Variants in AP2A1 observed in about 807,000 individuals in gnomAD.
The protein encoded by AP2A1 is adaptor related protein complex 2 subunit alpha 1, also known as AP-2 complex subunit alpha-1.
In AP2A1, 21 loss-of-function variants were observed where a neutral mutation model predicts 107.3. The ratio of observed to expected loss-of-function variants is 0.20; its 90% CI spans 0.14 to 0.28. AP2A1 has a LOEUF of 0.28. Ranked by LOEUF, AP2A1 falls within the 10% of genes least tolerant of loss-of-function variation. AP2A1 has a pLI of 1.00. For synonymous variants in AP2A1, 602 were observed against 564.8 expected (o/e 1.07, Z -0.93); for missense variants, 873 against 1,307.7 (o/e 0.67, Z 5.13).
Position 49,805,645 on chromosome 19 carries a change from C to A in AP2A1, c.2469-16C>A, listed in dbSNP as rs1305158437. ...GAGGGGCGGGGCCTAATGGAGCCTC[C>A]CTTTCACCTCATCAGGTACGGTGGC... On this transcript the variant is annotated splice_polypyrimidine_tract_variant and intron_variant, in intron 19 of 22. Coordinates refer to ENST00000354293, the MANE Select transcript of AP2A1 (RefSeq NM_130787.3). 2.4e-5 allele frequency: 38 copies of A among 1,556,700 alleles called. No individual in the cohort carries two copies. The highest frequency in any genetic ancestry group is 3.1e-5 in the Non-Finnish European group (36 of 1,150,740).
At chr19:49,797,109 G>C (rs1337398193) in intron 7 of AP2A1, 1 of 152,174 alleles carries the variant, frequency 6.6e-6, no homozygotes, top group Non-Finnish European at 1.5e-5. Context: ...TGGTAATTCT[G>C]GGGTACACCC....
rs1456964169 is a variant in AP2A1 at position 49,807,056 on chromosome 19, C to G, written c.*298C>G. The G allele has an allele frequency of 1.1e-5, 15 of 1,382,544 alleles. No individual in the cohort carries two copies. Among genetic ancestry groups the G allele is most frequent in the Non-Finnish European group, 1.4e-5 (15 of 1,036,884 alleles). 85.6% of individuals were successfully genotyped at this position (1,382,544 alleles called of 1,614,324 possible). On this transcript the variant is annotated 3_prime_UTR_variant, in exon 23 of 23. Coordinates refer to ENST00000354293, the MANE Select transcript of AP2A1 (RefSeq NM_130787.3). ...CCCACCCTGTTGTAGCCCCTCCTACCCCCTCCCCATCCAGGGGCTGTGTAT... is the reference window on the plus strand; with the variant it reads ...CCCACCCTGTTGTAGCCCCTCCTACGCCCTCCCCATCCAGGGGCTGTGTAT...
chr19:49,798,859 C>T lies in AP2A1; in HGVS notation c.872C>T (p.Ala291Val). The T allele has an allele frequency of 6.3e-7, 1 of 1,597,456 alleles. No individual in the cohort carries two copies. Among genetic ancestry groups the T allele is most frequent in the South Asian group, 1.1e-5 (1 of 88,118 alleles). ...TGTCTGGAGACTGTGCTCAACAAGG[C>T]CCAGGAGCCCCCCAAATCCAAGAAG... ...VECLETVLNK[A>V]QEPPKSKKVQ... The change falls in exon 8 of 23, where the codon GCC becomes GTC. Residue 291 changes from alanine (A) to valine (V), a missense_variant. By Grantham distance (64) the Ala-to-Val change is moderately conservative (BLOSUM62 0). Transcript: ENST00000354293.
intron 12 of AP2A1, 79 bp downstream of exon 12, chr19:49,801,137 AG>A: frequency 7.4e-7 from 1 of 1,345,554 alleles, no homozygotes; most frequent in Non-Finnish European, 1.0e-6. Flanking sequence ...CAGGGGTCTC[AG>A]GGCAGGCAGT....
Position 49,767,196 on chromosome 19 carries a change from G to A in AP2A1, c.63G>A (p.Arg21=), listed in dbSNP as rs1285665975. Residue 21 remains arginine, a synonymous_variant, in exon 1 of 23, where the codon CGG becomes CGA. Transcript: ENST00000354293. ...RGLAVFISDI[R]NCKSKEAEIK... is the part of the protein sequence containing the mutation. ...TCGCGGTGTTCATCTCCGACATCCGGAACTGTGAGCGCGCGGCCGGGGGAC... is the reference window on the plus strand; with the variant it reads ...TCGCGGTGTTCATCTCCGACATCCGAAACTGTGAGCGCGCGGCCGGGGGAC... The A allele has an allele frequency of 1.2e-6, 2 of 1,611,766 alleles. No individual in the cohort carries two copies. The highest frequency in any genetic ancestry group is 1.3e-5 in the African/African-American group (1 of 74,904).
chr19:49,788,488 CGGG>C lies in AP2A1; in HGVS notation c.474-3446_474-3444del, dbSNP rs1328738380. On this transcript the variant is annotated intron_variant, in intron 4 of 22. Coordinates refer to ENST00000354293, the MANE Select transcript of AP2A1 (RefSeq NM_130787.3). This position sits in a 1 kb window ranked among gnomAD's most constrained non-coding sequence, Gnocchi z 4.5. Reference sequence around the variant, plus strand: ...CAGAGTTTGGCCCAGAGTCAGGACTCGGGAGATGCGCTGTGGCTCAGGAGATGT... The same window carrying C: ...CAGAGTTTGGCCCAGAGTCAGGACTCAGATGCGCTGTGGCTCAGGAGATGT... 6.6e-5 allele frequency among the ~76,000 whole-genome samples: 10 copies of C among 151,896 alleles called. No individual in the cohort carries two copies. The highest frequency in any genetic ancestry group is 2.4e-4 in the African/African-American group (10 of 41,398).
At position 49,795,678 on chromosome 19, in the gene AP2A1, G is replaced by T; in HGVS notation, c.754G>T (p.Val252Phe). The change falls in exon 7 of 23, where the codon GTC becomes TTC. Residue 252 changes from valine to phenylalanine, a missense_variant. Coordinates refer to ENST00000354293, the MANE Select transcript of AP2A1 (RefSeq NM_130787.3). Reference protein sequence around the residue: ...TDLQDYTYYFVPAPWLSVKLL... With the variant: ...TDLQDYTYYFFPAPWLSVKLL... ...CCTCCAGGACTACACCTACTACTTC[G>T]TCCCAGCACCCTGGCTCTCGGTGAA... 1 of 1,567,922 alleles carries T rather than the reference G, an allele frequency of 6.4e-7. No individual in the cohort carries two copies.
chr19:49,787,640 C>T (rs532691173), intron 4 of AP2A1, among the ~76,000 whole-genome samples: 4 of 151,924 alleles, frequency 2.6e-5, no homozygotes, highest in Admixed American at 6.6e-5. Flanking sequence ...TGAGCCTCTG[C>T]GCCCGGTCAT....
At position 49,807,037 on chromosome 19, in the gene AP2A1, C is replaced by CCCGT; in HGVS notation, c.*279_*280insCCGT. On this transcript the variant is annotated 3_prime_UTR_variant, in exon 23 of 23. Coordinates refer to ENST00000354293, the MANE Select transcript of AP2A1 (RefSeq NM_130787.3). ...ATGTCTCCTCCCCTCCCACCCCACC[C>CCCGT]TGTTGTAGCCCCTCCTACCCCCTCC... is the stretch of plus-strand genomic sequence containing the variant. 4 of 1,529,506 alleles carry CCCGT rather than the reference C, an allele frequency of 2.6e-6. No individual in the cohort carries two copies. Among genetic ancestry groups the CCCGT allele is most frequent in the Non-Finnish European group, 3.5e-6 (4 of 1,140,426 alleles). 94.7% of individuals were successfully genotyped at this position (1,529,506 alleles called of 1,614,324 possible). A position where few individuals can be genotyped will look rare whatever the true frequency, so the allele number is the denominator to read the frequency against.
At chr19:49,799,263 C>G (rs1459753052) in intron 8 of AP2A1, 64 bp from the exon 9 acceptor site, 1 of 1,551,332 alleles carries the variant, frequency 6.4e-7, no homozygotes, top group Non-Finnish European at 8.7e-7. Flanking sequence ...AGCTGGGGCC[C>G]GAGTCCTCCA....
Position 49,799,520 on chromosome 19 carries a change from G to C in AP2A1, c.1134+25G>C, listed in dbSNP as rs558209610. The C allele has an allele frequency of 1.2e-5, 19 of 1,606,960 alleles. No homozygotes were observed. The African/African-American group carries it at 1.9e-4, about 16-fold the overall frequency. ...GGTGTGAGCCCTTGGAGCCCACCCC[G>C]GGCCTGCCACCCCCCTCAGAAAGAC... On this transcript the variant is annotated intron_variant, in intron 9 of 22. Transcript: ENST00000354293.
Position 49,805,739 on chromosome 19 carries a change from G to A in AP2A1, c.2547G>A (p.Ala849=). The change falls in exon 20 of 23, where the codon GCG becomes GCA. Residue 849 remains alanine (A), a synonymous_variant. Coordinates refer to ENST00000354293, the MANE Select transcript of AP2A1 (RefSeq NM_130787.3). ...AGTTCTTCCAGCCCACCGAGATGGC[G>A]GCCCAGGATTTCTTCCAGCGCTGGA... The part of the protein sequence containing the change: ...INKFFQPTEM[A]AQDFFQRWKQ... The A allele has an allele frequency of 6.3e-7, 1 of 1,584,032 alleles. No homozygotes were observed.
chr19:49,802,352 G>A (rs1190576357), intron 15 of AP2A1: 4 of 856,802 alleles, frequency 4.7e-6, no homozygotes, highest in East Asian at 5.3e-5. Flanking sequence ...CGCCGACCCT[G>A]GCCACCCTTC....
chr19:49,781,669 C>A, intron 1 of AP2A1, 88 bp from the exon 2 acceptor site: 1 of 1,357,400 alleles, frequency 7.4e-7, no homozygotes, highest in Non-Finnish European at 1.0e-6. Flanking sequence ...TCTGCCCTTC[C>A]TGCTGGGTGG....
At chr19:49,790,095 GA>G (rs1368306036) in intron 4 of AP2A1, among the ~76,000 whole-genome samples, 2 of 152,326 alleles carry the variant, frequency 1.3e-5, no homozygotes, top group Admixed American at 1.3e-4. Context: ...CTGGATGTCG[GA>G]AGTCCAACAT....
intron 4 of AP2A1, among the ~76,000 whole-genome samples, chr19:49,790,547 C>T (rs1297761646): frequency 6.6e-6 from 1 of 152,144 alleles, no homozygotes; most frequent in Non-Finnish European, 1.5e-5. Flanking sequence ...TACAGGCATG[C>T]GCCACCACGC....
chr19:49,802,564 C>A lies in AP2A1; in HGVS notation c.2115-385C>A, dbSNP rs1165541207. ...TGGAGCCGCCTGCCCCCGAGAGCCC[C>A]ATGGCTTTGCTGGCTGACCCAGCTC... On this transcript the variant is annotated intron_variant, in intron 15 of 22. Transcript: ENST00000354293. 5.0e-6 allele frequency: 8 copies of A among 1,605,936 alleles called. 1 individual carries two copies. The Admixed American group carries it at 5.0e-5, about 10-fold the overall frequency.
At chr19:49,795,803 T>A in intron 7 of AP2A1, 65 bp downstream of exon 7, 1 of 1,218,304 alleles carries the variant, frequency 8.2e-7, no homozygotes, top group Non-Finnish European at 1.2e-6. Flanking sequence ...GGCCTCCTGC[T>A]CCACGGCGCA....
At chr19:49,803,666 TG>T in intron 18 of AP2A1, 1 of 448,496 alleles carries the variant, frequency 2.2e-6, no homozygotes, top group South Asian at 2.1e-5. Context: ...CGTCCTCCAC[TG>T]GGCTCCATGT....
Sources: allele counts gnomAD v4.1 joint callset (sites outside exome capture counted in the v4.1 genomes callset), GRCh38; gene constraint gnomAD v4.1.1; non-coding constraint Gnocchi (gnomAD v3.1); transcripts MANE v1.5; gene names NCBI Gene and HGNC (gene_info 2026-07-23, HGNC 2026-07-21).